STARD13: variants seen among roughly 807,000 people sequenced by gnomAD.
STARD13 encodes stAR-related lipid transfer protein 13.
In STARD13, 62 loss-of-function variants were observed where a neutral mutation model predicts 106.4. The ratio of observed to expected loss-of-function variants is 0.58; its 90% CI spans 0.48 to 0.72. The LOEUF is 0.72. STARD13 is among the 30% of genes least tolerant of loss of function. The pLI, the probability that STARD13 is intolerant of heterozygous loss-of-function variation, is 0.00. For synonymous variants in STARD13, 565 were observed against 553.0 expected (o/e 1.02, Z -0.31); for missense variants, 1,387 against 1,424.0 (o/e 0.97, Z 0.42).
At chr13:33,551,471 T>C in the STARD13 span, among the ~76,000 whole-genome samples, 2 of 151,110 alleles carry the variant, frequency 1.3e-5, no homozygotes, top group African/African-American at 2.4e-5. Context: ...AGTAAATAGA[T>C]TAAATACTCC....
At chr13:33,379,596 A>C in the STARD13 span, among the ~76,000 whole-genome samples, 48 of 152,372 alleles carry the variant, frequency 3.2e-4, no homozygotes, top group Middle Eastern at 3.4e-3. Flanking sequence ...ACTTTGTATA[A>C]TTAAAATAAA....
At chr13:33,496,410 A>C in the STARD13 span, among the ~76,000 whole-genome samples, 1 of 151,686 alleles carries the variant, frequency 6.6e-6, no homozygotes, top group Non-Finnish European at 1.5e-5. Flanking sequence ...TACTATTATT[A>C]ATTTATTTAG....
At position 33,129,185 on chromosome 13, in the gene STARD13, C is replaced by T; in HGVS notation, c.1492G>A (p.Glu498Lys). The T allele has an allele frequency of 6.2e-7, 1 of 1,614,216 alleles. No homozygotes were observed. The highest frequency in any genetic ancestry group is 1.1e-5 in the South Asian group (1 of 91,090). The change falls in exon 5 of 14, where the codon GAG becomes AAG. Residue 498 changes from glutamate to lysine, a missense_variant. Coordinates refer to ENST00000336934, the MANE Select transcript of STARD13 (RefSeq NM_178006.4). ...DILQHVNGLQ[E>K]VVDDWSKDVL... is the part of the protein sequence containing the mutation. The stretch of plus-strand genomic sequence containing the variant: ...TCTTTGGACCAGTCATCGACTACCT[C>T]TTGGAGCCCATTGACATGCTGCAGA...
the STARD13 span, among the ~76,000 whole-genome samples, chr13:33,545,124 A>G: frequency 1.3e-5 from 2 of 151,772 alleles, no homozygotes; most frequent in Non-Finnish European, 2.9e-5. Context: ...CCTGGCTAAA[A>G]TTTTGTATTT....
chr13:33,233,412 T>C (rs1594141290), intron 1 of STARD13, among the ~76,000 whole-genome samples: 1 of 152,210 alleles, frequency 6.6e-6, no homozygotes, highest in East Asian at 1.9e-4. Context: ...ACTCAGTCAT[T>C]AGAGGAGACG....
the STARD13 span, among the ~76,000 whole-genome samples, chr13:33,424,401 C>T: frequency 6.6e-6 from 1 of 152,106 alleles, no homozygotes; most frequent in Non-Finnish European, 1.5e-5. Flanking sequence ...GGAGGAGAAA[C>T]GAACTAGTAC....
chr13:33,561,442 TCTTCTTA>T, the STARD13 span, among the ~76,000 whole-genome samples: 1 of 151,610 alleles, frequency 6.6e-6, no homozygotes, highest in African/African-American at 2.4e-5. Context: ...AAATAGTCTA[TCTTCTTA>T]CTTTCTAATT....
chr13:33,377,838 A>T, the STARD13 span, among the ~76,000 whole-genome samples: 1 of 152,200 alleles, frequency 6.6e-6, no homozygotes, highest in South Asian at 2.1e-4. Context: ...TGGGGCTGGG[A>T]GCAGTTTTTA....
chr13:33,124,669 T>C (rs2138138348), intron 7 of STARD13, among the ~76,000 whole-genome samples: 1 of 152,282 alleles, frequency 6.6e-6, no homozygotes, highest in Middle Eastern at 3.4e-3. Flanking sequence ...TTTATAGCTA[T>C]GGACATTAAC....
At chr13:33,163,801 A>G (rs1883025360) in intron 3 of STARD13, among the ~76,000 whole-genome samples, 1 of 148,096 alleles carries the variant, frequency 6.8e-6, no homozygotes, top group Admixed American at 6.8e-5. Context: ...AAACATTTCA[A>G]AAATTCAATG....
chr13:33,304,666 A>C (rs1172409838), intron 1 of STARD13, among the ~76,000 whole-genome samples: 3 of 152,146 alleles, frequency 2.0e-5, no homozygotes, highest in Non-Finnish European at 4.4e-5. Context: ...ATCTACCCTA[A>C]ATAATATAAA....
intron 3 of STARD13, among the ~76,000 whole-genome samples, chr13:33,147,770 C>G (rs910489781): frequency 2.0e-5 from 3 of 152,120 alleles, no homozygotes; most frequent in African/African-American, 7.2e-5. Context: ...ATAACCAACA[C>G]AATAATGAAG....
At chr13:33,399,370 T>C in the STARD13 span, among the ~76,000 whole-genome samples, 1 of 152,018 alleles carries the variant, frequency 6.6e-6, no homozygotes, top group African/African-American at 2.4e-5. Context: ...GGGTACAAAC[T>C]TTTTTAAACA....
At chr13:33,231,058 C>T (rs571249356) in intron 1 of STARD13, among the ~76,000 whole-genome samples, 132 of 152,314 alleles carry the variant, frequency 8.7e-4, no homozygotes, top group Admixed American at 3.5e-3. Flanking sequence ...ATAGGATGAC[C>T]TACCATCCCA....
chr13:33,574,301 A>G, the STARD13 span, among the ~76,000 whole-genome samples: 1 of 152,234 alleles, frequency 6.6e-6, no homozygotes, highest in Non-Finnish European at 1.5e-5. Context: ...TTAACACATG[A>G]GAGAACACAG....
chr13:33,217,684 G>T (rs2052544343), intron 1 of STARD13, among the ~76,000 whole-genome samples: 1 of 152,212 alleles, frequency 6.6e-6, no homozygotes, highest in South Asian at 2.1e-4. Context: ...GAGAGCAAGG[G>T]AGGAGAGTGA....
the STARD13 span, among the ~76,000 whole-genome samples, chr13:33,481,499 A>C: frequency 6.6e-6 from 1 of 152,212 alleles, no homozygotes; most frequent in Non-Finnish European, 1.5e-5. Context: ...GGATAAAGGA[A>C]TATGTTAAAT....
At chr13:33,358,919 G>T in the STARD13 span, among the ~76,000 whole-genome samples, 1 of 152,166 alleles carries the variant, frequency 6.6e-6, no homozygotes. Context: ...TGGGGCCTTG[G>T]AGAACCTGTG....
At chr13:33,163,658 CATATATATATAACATATATATAAAACAT>C (rs765526196) in intron 3 of STARD13, among the ~76,000 whole-genome samples, 13,575 of 70,926 alleles carry the variant, frequency 0.19, 1,773 homozygotes, top group African/African-American at 0.35. Context: ...ATATATAAAA[CATATATATATAACATATATATAAAACAT>C]ATATATATAT....
Sources: gnomAD v4.1 joint callset for allele counts (sites outside exome capture counted in the v4.1 genomes callset) on GRCh38, gnomAD v4.1.1 for gene constraint, MANE v1.5 for transcripts, NCBI Gene and HGNC (gene_info 2026-07-23, HGNC 2026-07-21) for gene names.